Variants in OCM observed in about 807,000 individuals in gnomAD.
The protein encoded by OCM is oncomodulin-1.
A neutral mutation model predicts 14.1 loss-of-function variants in OCM; 18 were observed. The ratio of observed to expected loss-of-function variants is 1.28; its 90% CI spans 0.88 to 1.89. The LOEUF is 1.89. Ranked by LOEUF, OCM falls within the 40% of genes most tolerant of loss-of-function variation. The pLI is 0.00. For synonymous variants in OCM, 48 were observed against 51.0 expected (o/e 0.94, Z 0.25); for missense variants, 140 against 137.6 (o/e 1.02, Z -0.09).
the OCM span, among the ~76,000 whole-genome samples, chr7:5,871,354 CAA>C: frequency 3.0e-4 from 37 of 123,232 alleles, no homozygotes; most frequent in Admixed American, 3.5e-4. Context: ...GTCCTTGTCT[CAA>C]AAAAAAAAAA....
intron 3 of OCM, among the ~76,000 whole-genome samples, chr7:5,885,626 T>C (rs1044512872): frequency 6.6e-6 from 1 of 151,204 alleles, no homozygotes; most frequent in African/African-American, 2.4e-5. Context: ...TTTTTTTTTT[T>C]TTGAGTTGGA....
chr7:5,859,758 C>T, the OCM span, among the ~76,000 whole-genome samples: 402 of 152,060 alleles, frequency 2.6e-3, no homozygotes, highest in Non-Finnish European at 4.1e-3. Flanking sequence ...AGTGCAATGG[C>T]GTGATCTCAG....
At chr7:5,878,851 G>A (rs1781149726), upstream of OCM, among the ~76,000 whole-genome samples, 1 of 136,006 alleles carries the variant, frequency 7.4e-6, no homozygotes, top group East Asian at 2.1e-4. Context: ...CCATATAAAG[G>A]CTCAATAAAT....
the OCM span, among the ~76,000 whole-genome samples, chr7:5,865,558 C>T: frequency 6.6e-6 from 1 of 152,146 alleles, no homozygotes; most frequent in Non-Finnish European, 1.5e-5. Flanking sequence ...GCTTGTCAGC[C>T]AAGGTGTTTT....
chr7:5,860,692 A>G, the OCM span, among the ~76,000 whole-genome samples: 1 of 54,642 alleles, frequency 1.8e-5, no homozygotes, highest in Non-Finnish European at 3.3e-5. Flanking sequence ...GTGTGTATAT[A>G]TTATTACGTA....
upstream of OCM, among the ~76,000 whole-genome samples, chr7:5,877,976 C>CTTT (rs35122064): frequency 5.5e-5 from 8 of 145,122 alleles, no homozygotes; most frequent in East Asian, 4.1e-4. Context: ...CAGTCAAACT[C>CTTT]TTTTTTTTTT....
upstream of OCM, among the ~76,000 whole-genome samples, chr7:5,875,040 CTA>C (rs781737448): frequency 8.1e-3 from 1,167 of 144,130 alleles, 27 homozygotes; most frequent in African/African-American, 0.029. Context: ...ATATCTATAT[CTA>C]TATATATATA....
At position 5,886,045 on chromosome 7, in the gene OCM, C is replaced by G. The variant is rs1351681291; in HGVS notation, c.305-19C>G. On this transcript the variant is annotated intron_variant, in intron 3 of 3. Transcript: ENST00000242104. ...CCAAGCCACCTCCACTGACCCTGTT[C>G]TCACCTCTTCTGTTCTAGAATTCCA... The G allele has an allele frequency of 6.2e-7, 1 of 1,614,122 alleles. No individual in the cohort carries two copies. Among genetic ancestry groups the G allele is most frequent in the East Asian group, 2.2e-5 (1 of 44,884 alleles).
At chr7:5,860,382 CATT>C in the OCM span, among the ~76,000 whole-genome samples, 2 of 139,434 alleles carry the variant, frequency 1.4e-5, no homozygotes, top group Admixed American at 1.5e-4. Context: ...ATATATATAT[CATT>C]AGGTATATAT....
chr7:5,883,794 TG>T, intron 2 of OCM, 95 bp from the exon 3 acceptor site: 4 of 1,460,890 alleles, frequency 2.7e-6, no homozygotes, highest in Non-Finnish European at 3.8e-6. Context: ...TTGCCGGTGC[TG>T]GAAACAGGTG....
At chr7:5,878,474 C>T (rs1336635855), upstream of OCM, among the ~76,000 whole-genome samples, 16 of 150,578 alleles carry the variant, frequency 1.1e-4, no homozygotes, top group East Asian at 8.1e-4. Flanking sequence ...TGGCCGGGCG[C>T]GGTGGCTCAC....
the OCM span, among the ~76,000 whole-genome samples, chr7:5,869,866 C>T: frequency 8.5e-5 from 13 of 152,248 alleles, no homozygotes; most frequent in East Asian, 1.2e-3. Flanking sequence ...CCCTTGCTCC[C>T]GCCCCTGACA....
upstream of OCM, among the ~76,000 whole-genome samples, chr7:5,875,397 C>A (rs1373985407): frequency 6.6e-6 from 1 of 151,928 alleles, no homozygotes; most frequent in Non-Finnish European, 1.5e-5. Flanking sequence ...TAATGGAATT[C>A]AAGTTATCAT....
At chr7:5,867,595 C>G in the OCM span, among the ~76,000 whole-genome samples, 1 of 152,088 alleles carries the variant, frequency 6.6e-6, no homozygotes, top group African/African-American at 2.4e-5. Flanking sequence ...CCTCCTCTTT[C>G]TCCTTTTCTC....
the OCM span, among the ~76,000 whole-genome samples, chr7:5,866,048 C>T: frequency 2.6e-5 from 4 of 151,814 alleles, no homozygotes; most frequent in East Asian, 7.7e-4. Flanking sequence ...CTGCTGGGTG[C>T]ACTGGCTCGT....
chr7:5,867,302 A>G, the OCM span, among the ~76,000 whole-genome samples: 4 of 152,078 alleles, frequency 2.6e-5, no homozygotes, highest in Middle Eastern at 6.8e-3. Flanking sequence ...ACATAGCAAG[A>G]CCCCATCTCA....
At chr7:5,862,020 C>T in the OCM span, among the ~76,000 whole-genome samples, 3 of 152,166 alleles carry the variant, frequency 2.0e-5, no homozygotes, top group Non-Finnish European at 2.9e-5. Flanking sequence ...CTGCGTCAGC[C>T]TCCTGAGTGG....
upstream of OCM, among the ~76,000 whole-genome samples, chr7:5,874,990 C>T (rs1157582941): frequency 6.6e-6 from 1 of 151,670 alleles, no homozygotes; most frequent in Non-Finnish European, 1.5e-5. Flanking sequence ...TTCTAGGTAC[C>T]TCATATTACT....
chr7:5,859,727 C>T, the OCM span, among the ~76,000 whole-genome samples: 2 of 151,622 alleles, frequency 1.3e-5, no homozygotes, highest in Admixed American at 6.6e-5. Context: ...GAGACAGTTT[C>T]GTTCTTGTTG....
Sources: allele counts gnomAD v4.1 joint callset (sites outside exome capture counted in the v4.1 genomes callset), GRCh38; gene constraint gnomAD v4.1.1; transcripts MANE v1.5; gene names NCBI Gene and HGNC (gene_info 2026-07-23, HGNC 2026-07-21).